Variants in TAF3 observed in about 807,000 individuals in gnomAD.
TAF3 encodes TATA-box binding protein associated factor 3, also known as transcription initiation factor TFIID subunit 3.
In TAF3, 7 loss-of-function variants were observed where a neutral mutation model predicts 80.6. The ratio of observed to expected loss-of-function variants is 0.09; its 90% CI spans 0.05 to 0.16. The LOEUF (loss-of-function observed/expected upper bound fraction) is 0.16. Among genes scored for constraint, TAF3 ranks in the 10% least tolerant of loss-of-function variants. The probability of loss-of-function intolerance (pLI) is 1.00; values close to 1 mark genes in which losing one functional copy is unlikely to be tolerated. For synonymous variants in TAF3, 444 were observed against 446.1 expected, an observed-to-expected ratio of 1.00 and a Z score of 0.06; for missense variants, 921 against 1,140.2, an observed-to-expected ratio of 0.81 and a Z score of 2.77.
chr10:7,975,070 CAAAAAAAAAAAAA>C (rs35755700), intron 3 of TAF3: 84,454 of 174,884 alleles, frequency 0.48, 16,699 homozygotes, highest in Admixed American at 0.61. Flanking sequence ...GACTCTGTCT[CAAAAAAAAAAAAA>C]AAAAAAAAAG....
rs559676318 is a variant in TAF3 at position 7,976,571 on chromosome 10, C to T, written c.2233-670C>T. Among the ~76,000 whole-genome samples, 511 of 152,116 alleles carry T rather than the reference C, an allele frequency of 3.4e-3. 4 individuals are homozygous for T. The highest frequency in any genetic ancestry group is 4.5e-3 in the African/African-American group (187 of 41,498). ...CTGGGACTACAGGCGCCCGCCACCACGCCCAGCTAATTTTTTGTATTTTTA... is the reference window on the plus strand; with the variant it reads ...CTGGGACTACAGGCGCCCGCCACCATGCCCAGCTAATTTTTTGTATTTTTA... On this transcript the variant is annotated intron_variant, in intron 3 of 6. Transcript: ENST00000344293.
intron 2 of TAF3, among the ~76,000 whole-genome samples, chr10:7,882,511 T>C (rs1340451034): frequency 6.6e-6 from 1 of 152,134 alleles, no homozygotes; most frequent in Non-Finnish European, 1.5e-5. Flanking sequence ...AAACCTAGGA[T>C]GATGGAAAGC....
At chr10:7,975,601 G>A (rs986285535) in intron 3 of TAF3, among the ~76,000 whole-genome samples, 1 of 152,160 alleles carries the variant, frequency 6.6e-6, no homozygotes, top group African/African-American at 2.4e-5. Context: ...AAGGGTTGGG[G>A]CAAGATAAGT....
intron 2 of TAF3, among the ~76,000 whole-genome samples, chr10:7,960,374 T>C (rs141950566): frequency 3.3e-4 from 50 of 152,284 alleles, no homozygotes; most frequent in African/African-American, 1.2e-3. Context: ...CAGCAAACGT[T>C]TTTTTGTAAA....
chr10:7,977,517 G>C (rs113010247), intron 4 of TAF3, among the ~76,000 whole-genome samples, 194 bp downstream of exon 4: 1 of 150,690 alleles, frequency 6.6e-6, no homozygotes, highest in South Asian at 2.1e-4. Context: ...TTTATTTGAC[G>C]TAAAGGATTT....
chr10:7,966,606 C>G (rs958567209), intron 3 of TAF3, among the ~76,000 whole-genome samples: 8 of 152,128 alleles, frequency 5.3e-5, no homozygotes. Context: ...ATAGTGCCAC[C>G]CCAGAGCTCC....
At chr10:8,000,973 C>G (rs1391509891) in intron 4 of TAF3, among the ~76,000 whole-genome samples, 2 of 152,174 alleles carry the variant, frequency 1.3e-5, no homozygotes, top group East Asian at 3.8e-4. Flanking sequence ...TGTGTGTGCA[C>G]ACATGTGTAT....
At chr10:7,859,549 T>C (rs1389940315) in intron 2 of TAF3, among the ~76,000 whole-genome samples, 1 of 152,164 alleles carries the variant, frequency 6.6e-6, no homozygotes, top group East Asian at 1.9e-4. Flanking sequence ...GGGTTTCACC[T>C]CCTCCATTCC....
intron 2 of TAF3, among the ~76,000 whole-genome samples, chr10:7,866,641 A>G (rs1837217583): frequency 6.6e-6 from 1 of 152,168 alleles, no homozygotes; most frequent in African/African-American, 2.4e-5. Context: ...AGGGAGAAGA[A>G]TGAGGATTTT....
Position 7,964,995 on chromosome 10 carries a change from G to C in TAF3, c.1485G>C (p.Pro495=). The change falls in exon 3 of 7, where the codon CCG becomes CCC. Residue 495 remains proline, a synonymous_variant. Coordinates refer to ENST00000344293, the MANE Select transcript of TAF3 (RefSeq NM_031923.4). The surrounding 1 kb of genome is among the most constrained non-coding windows in gnomAD (Gnocchi z 4.1). ...MPPNFPYISS[P]SVSPPTPEPL... ...CCAACTTTCCTTATATCTCTTCTCC[G>C]TCAGTGTCTCCTCCCACTCCCGAAC... 1.9e-6 allele frequency: 3 copies of C among 1,613,928 alleles called. No individual in the cohort carries two copies. The highest frequency in any genetic ancestry group is 2.5e-6 in the Non-Finnish European group (3 of 1,180,018).
At chr10:7,839,549 G>C (rs532268032) in intron 2 of TAF3, among the ~76,000 whole-genome samples, 137 of 152,296 alleles carry the variant, frequency 9.0e-4, no homozygotes, top group African/African-American at 3.2e-3. Flanking sequence ...TGGGATCCCA[G>C]GTTTCATAGT....
At chr10:7,863,847 A>G (rs1177812177) in intron 2 of TAF3, among the ~76,000 whole-genome samples, 1 of 151,044 alleles carries the variant, frequency 6.6e-6, no homozygotes, top group African/African-American at 2.4e-5. Context: ...TCTTATACAT[A>G]ATTTATAAAC....
chr10:7,952,163 C>G (rs999602064), intron 2 of TAF3, among the ~76,000 whole-genome samples: 2 of 152,068 alleles, frequency 1.3e-5, no homozygotes, highest in African/African-American at 4.8e-5. Context: ...GATATGGAAT[C>G]TTAGTTGTAA....
chr10:7,841,592 T>C (rs761102190), intron 2 of TAF3, among the ~76,000 whole-genome samples: 2 of 152,142 alleles, frequency 1.3e-5, no homozygotes, highest in Non-Finnish European at 2.9e-5. Flanking sequence ...AAGGATGGAC[T>C]CAAGAGGAGA....
chr10:7,841,142 C>T (rs530243865), intron 2 of TAF3, among the ~76,000 whole-genome samples: 6 of 152,326 alleles, frequency 3.9e-5, no homozygotes, highest in South Asian at 2.1e-4. Context: ...TGAGCTGCCG[C>T]GCCCGGCCTA....
At chr10:7,942,739 G>A (rs780142236) in intron 2 of TAF3, among the ~76,000 whole-genome samples, 5 of 152,084 alleles carry the variant, frequency 3.3e-5, no homozygotes, top group African/African-American at 4.8e-5. Flanking sequence ...CAGCCGAGGC[G>A]TGTGGGCACG....
chr10:7,861,238 C>T (rs183435337), intron 2 of TAF3, among the ~76,000 whole-genome samples: 2 of 152,248 alleles, frequency 1.3e-5, no homozygotes, highest in African/African-American at 2.4e-5. Context: ...GCTGGGATTA[C>T]AGGCGTGAGC....
rs554955338 is a variant in TAF3 at position 7,899,012 on chromosome 10, G to GT, written c.410-64902dup. 3.6e-4 allele frequency among the ~76,000 whole-genome samples: 55 copies of GT among 152,214 alleles called. 1 individual carries two copies. In the East Asian group the frequency reaches 9.1e-3, roughly 25 times the overall value. ...AAACCATTAATGTCAGTTCCCATAG[G>GT]TTTTTTCTTTTATTCTAGGTGAGAT... On this transcript the variant is annotated intron_variant, in intron 2 of 6. Coordinates refer to ENST00000344293, the MANE Select transcript of TAF3 (RefSeq NM_031923.4).
intron 2 of TAF3, among the ~76,000 whole-genome samples, chr10:7,836,967 C>T (rs1836857651): frequency 6.6e-6 from 1 of 152,202 alleles, no homozygotes. Flanking sequence ...ATGGCTCATG[C>T]CTATAATCCC....
Sources: allele counts gnomAD v4.1 joint callset (sites outside exome capture counted in the v4.1 genomes callset), GRCh38; gene constraint gnomAD v4.1.1; non-coding constraint Gnocchi (gnomAD v3.1); transcripts MANE v1.5; gene names NCBI Gene and HGNC (gene_info 2026-07-23, HGNC 2026-07-21).